SSBP3: variants seen among roughly 807,000 people sequenced by gnomAD.
SSBP3 encodes single stranded DNA binding protein 3, also known as single-stranded DNA-binding protein 3.
In SSBP3, 5 loss-of-function variants were observed where a neutral mutation model predicts 69.6. The observed-to-expected ratio is 0.07, with a 90% CI of 0.04 to 0.15. The LOEUF is 0.15. Among genes scored for constraint, SSBP3 ranks in the 10% least tolerant of loss-of-function variants. The pLI, the probability that SSBP3 is intolerant of heterozygous loss-of-function variation, is 1.00. For missense variants in SSBP3, 312 were observed against 534.0 expected (o/e 0.58, Z 4.10); for synonymous variants, 196 against 193.4 (o/e 1.01, Z -0.11).
At chr1:54,244,249 G>A (rs754297855) in intron 9 of SSBP3, among the ~76,000 whole-genome samples, 50 of 152,054 alleles carry the variant, frequency 3.3e-4, no homozygotes, top group Non-Finnish European at 6.2e-4. Flanking sequence ...GATTATAGGC[G>A]CCCACGACCA....
At chr1:54,366,213 C>T (rs192058415) in intron 4 of SSBP3, among the ~76,000 whole-genome samples, 3 of 152,246 alleles carry the variant, frequency 2.0e-5, no homozygotes, top group East Asian at 3.9e-4. Context: ...TTACTCATGC[C>T]TATTTTCATC....
rs869039822 is a variant in SSBP3, at chr1:54,337,485, C to CTTTTTTTTTTTTTTTTT, written c.277-55975_277-55959dup. Among the ~76,000 whole-genome samples the CTTTTTTTTTTTTTTTTT allele has an allele frequency of 1.6e-3, 80 of 51,170 alleles. 13 individuals are homozygous for CTTTTTTTTTTTTTTTTT. Among genetic ancestry groups the CTTTTTTTTTTTTTTTTT allele is most frequent in the East Asian group, 2.8e-3 (3 of 1,070 alleles). 33.6% of individuals were successfully genotyped at this position (51,170 alleles called of 152,430 possible). On this transcript the variant is annotated intron_variant, in intron 4 of 17. Coordinates refer to ENST00000610401, the Ensembl canonical transcript of SSBP3. Reference sequence around the variant, plus strand: ...ACCAAAGCATTTTGTTTTCCTCAAGCTTTTTTTTTTTTTTTTTTTTTTTTT... The same window carrying CTTTTTTTTTTTTTTTTT: ...ACCAAAGCATTTTGTTTTCCTCAAGCTTTTTTTTTTTTTTTTTTTTTTTTTTTTTTTTTTTTTTTTTT...
chr1:54,377,703 A>G (rs912733939), intron 4 of SSBP3, among the ~76,000 whole-genome samples: 2 of 152,224 alleles, frequency 1.3e-5, no homozygotes, highest in African/African-American at 2.4e-5. Context: ...AGCATCATAC[A>G]CAAAGCTGAA....
intron 3 of SSBP3, among the ~76,000 whole-genome samples, chr1:54,403,610 T>C (rs543140914): frequency 2.1e-4 from 32 of 152,244 alleles, no homozygotes; most frequent in Non-Finnish European, 3.8e-4. Context: ...AGACACTTCA[T>C]CCTCCTGCTG....
intron 4 of SSBP3, among the ~76,000 whole-genome samples, chr1:54,374,920 AG>A (rs1192553762): frequency 3.8e-4 from 58 of 152,354 alleles, no homozygotes; most frequent in Non-Finnish European, 5.1e-4. Flanking sequence ...GCAGGAGGCC[AG>A]GGGCCAGAGA....
At chr1:54,382,716 T>A (rs1647743609) in intron 4 of SSBP3, among the ~76,000 whole-genome samples, 2 of 152,164 alleles carry the variant, frequency 1.3e-5, no homozygotes, top group East Asian at 1.9e-4. Flanking sequence ...CCAGGCACAG[T>A]GGCTCATGCC....
chr1:54,227,241 G>A (rs1644303124), intron 17 of SSBP3, 81 bp from the exon 18 acceptor site: 9 of 851,330 alleles, frequency 1.1e-5, no homozygotes, highest in Admixed American at 1.0e-4. Context: ...AGAGCCTGGG[G>A]TGACTGCACA....
intron 13 of SSBP3, among the ~76,000 whole-genome samples, chr1:54,240,083 TGTGTGCGCGCGCGCGCGTGTGC>T (rs1406905620): frequency 4.2e-5 from 3 of 71,340 alleles, no homozygotes; most frequent in Admixed American, 1.4e-4. Flanking sequence ...TGTGTGTGTG[TGTGTGCGCGCGCGCGCGTGTGC>T]GTGCGCGCGC....
chr1:54,255,430 C>T (rs1400667026), intron 7 of SSBP3, among the ~76,000 whole-genome samples: 3 of 152,140 alleles, frequency 2.0e-5, no homozygotes, highest in Admixed American at 6.5e-5. Context: ...CTATGTGCCA[C>T]GGCAAAGCAG....
rs769255352 is a variant in SSBP3 at position 54,302,772 on chromosome 1, G to T, written c.277-21245C>A. On this transcript the variant is annotated intron_variant, in intron 4 of 17. Coordinates refer to ENST00000610401, the Ensembl canonical transcript of SSBP3. ...CACCACATTAGAGGATGTTAAGGCTGCATGGGGGCTCAGAAACCACCTGCT... is the reference window on the plus strand; with the variant it reads ...CACCACATTAGAGGATGTTAAGGCTTCATGGGGGCTCAGAAACCACCTGCT... 2.4e-4 allele frequency among the ~76,000 whole-genome samples: 37 copies of T among 152,210 alleles called. 1 individual carries two copies. The highest frequency in any genetic ancestry group is 8.3e-4 in the South Asian group (4 of 4,826).
At chr1:54,286,221 C>A (rs576272463) in intron 4 of SSBP3, 1 of 152,278 alleles carries the variant, frequency 6.6e-6, no homozygotes, top group African/African-American at 2.4e-5. Flanking sequence ...CAATGCTTAT[C>A]CACTTTTTGG....
chr1:54,404,385 C>T (rs1294764327), intron 3 of SSBP3, among the ~76,000 whole-genome samples, 191 bp downstream of exon 3: 2 of 152,216 alleles, frequency 1.3e-5, no homozygotes, highest in Non-Finnish European at 2.9e-5. Flanking sequence ...CCCCCCAAAA[C>T]TTTAGGTAAC....
intron 5 of SSBP3, among the ~76,000 whole-genome samples, chr1:54,265,309 T>C (rs1462309762): frequency 6.6e-6 from 1 of 151,988 alleles, no homozygotes; most frequent in Non-Finnish European, 1.5e-5. Flanking sequence ...GTGAAGGGTG[T>C]GGGTGTGTGT....
chr1:54,248,830 T>C (rs1449274541), intron 9 of SSBP3, among the ~76,000 whole-genome samples: 1 of 152,124 alleles, frequency 6.6e-6, no homozygotes, highest in Non-Finnish European at 1.5e-5. Flanking sequence ...CAGAGGAGTA[T>C]AGGAAACATG....
At chr1:54,230,886 TACC>T (rs1644368953) in intron 14 of SSBP3, among the ~76,000 whole-genome samples, 1 of 152,224 alleles carries the variant, frequency 6.6e-6, no homozygotes, top group South Asian at 2.1e-4. Flanking sequence ...CGTATGGATA[TACC>T]ACATTTCATT....
At chr1:54,327,736 G>A (rs1478844124) in intron 4 of SSBP3, among the ~76,000 whole-genome samples, 1 of 152,028 alleles carries the variant, frequency 6.6e-6, no homozygotes, top group East Asian at 1.9e-4. Flanking sequence ...TTTTAAGTAC[G>A]AGTTATCCTG....
intron 4 of SSBP3, 37 bp from the exon 5 acceptor site, chr1:54,281,564 C>T: frequency 6.5e-7 from 1 of 1,531,208 alleles, no homozygotes; most frequent in Non-Finnish European, 8.9e-7. Flanking sequence ...AGTGGCCAAA[C>T]CCACAACCAG....
intron 4 of SSBP3, among the ~76,000 whole-genome samples, chr1:54,389,946 A>G (rs941364178): frequency 2.0e-5 from 3 of 152,050 alleles, no homozygotes; most frequent in African/African-American, 7.2e-5. Context: ...CCCATGACTG[A>G]ATCCCTCTAA....
In SSBP3 at chr1:54,291,045, A is replaced by T. The variant is rs559136893; in HGVS notation, c.277-9518T>A. 3.9e-5 allele frequency among the ~76,000 whole-genome samples: 6 copies of T among 152,360 alleles called. No individual in the cohort carries two copies. In the East Asian group the frequency reaches 1.2e-3, roughly 29 times the overall value. On this transcript the variant is annotated intron_variant, in intron 4 of 17. Transcript: ENST00000610401. ...CAAGAACACTGGCAGTTGCTTCTGC[A>T]AAGTGGAAAATTCCCTGGCGTGGAC...
Sources: allele counts gnomAD v4.1 joint callset (sites outside exome capture counted in the v4.1 genomes callset), GRCh38; gene constraint gnomAD v4.1.1; transcripts MANE v1.5; gene names NCBI Gene and HGNC (gene_info 2026-07-23, HGNC 2026-07-21).